The following CFAP299 variants were observed in gnomAD, a reference collection of about 807,000 sequenced individuals.
CFAP299 encodes the protein cilia and flagella associated protein 299.
A neutral mutation model predicts 27.0 loss-of-function variants in CFAP299; 21 were observed. The ratio of observed to expected loss-of-function variants is 0.78; its 90% CI spans 0.55 to 1.12. The LOEUF is 1.12. Ranked by LOEUF, CFAP299 falls within the 50% of genes most tolerant of loss-of-function variation. CFAP299 has a pLI of 0.00. For missense variants in CFAP299, 310 were observed against 276.6 expected, an observed-to-expected ratio of 1.12 and a Z score of -0.86; for synonymous variants, 104 against 98.1, an observed-to-expected ratio of 1.06 and a Z score of -0.36.
At chr4:80,812,776 G>T (rs149921351) in intron 3 of CFAP299, among the ~76,000 whole-genome samples, 1 of 152,174 alleles carries the variant, frequency 6.6e-6, no homozygotes, top group African/African-American at 2.4e-5. Context: ...ATCAATTTAT[G>T]TAAATAGTTT....
chr4:80,617,696 G>T (rs1035823347), intron 3 of CFAP299, among the ~76,000 whole-genome samples: 1 of 152,110 alleles, frequency 6.6e-6, no homozygotes, highest in Non-Finnish European at 1.5e-5. Context: ...CCATCATAAT[G>T]ATAACCAAAA....
At chr4:80,500,617 A>C (rs1285920507) in intron 2 of CFAP299, among the ~76,000 whole-genome samples, 1 of 152,150 alleles carries the variant, frequency 6.6e-6, no homozygotes, top group Non-Finnish European at 1.5e-5. Context: ...AACTTATTCT[A>C]AAATGGTTTA....
chr4:80,733,110 T>C (rs1723635604), intron 3 of CFAP299, among the ~76,000 whole-genome samples: 1 of 152,110 alleles, frequency 6.6e-6, no homozygotes. Flanking sequence ...TCTACATATA[T>C]CTACCAGCTT....
chr4:80,856,926 TC>T (rs1731939169), intron 3 of CFAP299, among the ~76,000 whole-genome samples: 1 of 151,916 alleles, frequency 6.6e-6, no homozygotes, highest in Non-Finnish European at 1.5e-5. Context: ...AGTAGTTTTT[TC>T]CAATTCTGTG....
intron 2 of CFAP299, among the ~76,000 whole-genome samples, chr4:80,376,369 G>A (rs1393632333): frequency 1.3e-5 from 2 of 151,880 alleles, no homozygotes; most frequent in Non-Finnish European, 2.9e-5. Flanking sequence ...TAAACTTCCT[G>A]TAAATATTTT....
At chr4:80,587,585 A>T (rs1721272546) in intron 3 of CFAP299, among the ~76,000 whole-genome samples, 1 of 152,108 alleles carries the variant, frequency 6.6e-6, no homozygotes, top group South Asian at 2.1e-4. Flanking sequence ...AAAACTTGGT[A>T]GGTGGTTTTT....
intron 2 of CFAP299, among the ~76,000 whole-genome samples, chr4:80,451,810 A>G (rs1728917908): frequency 1.3e-5 from 2 of 152,214 alleles, no homozygotes; most frequent in African/African-American, 4.8e-5. Context: ...GCTCAATTTA[A>G]GATTGAACAC....
intron 4 of CFAP299, among the ~76,000 whole-genome samples, chr4:80,888,733 AT>A (rs34277413): frequency 0.084 from 12,699 of 152,066 alleles, 588 homozygotes; most frequent in Middle Eastern, 0.18. Flanking sequence ...CAAAACAAGT[AT>A]TTAAATTTTC....
chr4:80,897,282 A>G (rs1214539151), intron 4 of CFAP299, among the ~76,000 whole-genome samples: 2 of 152,180 alleles, frequency 1.3e-5, no homozygotes, highest in Non-Finnish European at 2.9e-5. Context: ...AAATTCAGTA[A>G]TTATATATTA....
chr4:80,870,767 G>T (rs1011762490), intron 4 of CFAP299: 99 of 985,242 alleles, frequency 1.0e-4, no homozygotes, highest in Admixed American at 1.8e-4. Flanking sequence ...TTAAGTAGCA[G>T]CATTATGCTT....
chr4:80,489,853 A>G (rs566615662), intron 2 of CFAP299, among the ~76,000 whole-genome samples: 1 of 152,298 alleles, frequency 6.6e-6, no homozygotes, highest in Non-Finnish European at 1.5e-5. Context: ...TGTTAGAACC[A>G]TGGCCATTGA....
chr4:80,447,111 TTTTA>T (rs1457828988), intron 2 of CFAP299, among the ~76,000 whole-genome samples: 6 of 147,910 alleles, frequency 4.1e-5, no homozygotes, highest in African/African-American at 1.3e-4. Flanking sequence ...TGTTTTTGCT[TTTTA>T]TTTGTTTTTT....
At chr4:80,333,097 T>C (rs1247094158), upstream of CFAP299, among the ~76,000 whole-genome samples, 1 of 152,138 alleles carries the variant, frequency 6.6e-6, no homozygotes, top group African/African-American at 2.4e-5. Context: ...CTTCTGAAAT[T>C]TTCCTTTCAC....
chr4:80,779,303 C>A (rs1726738158), intron 3 of CFAP299, among the ~76,000 whole-genome samples: 1 of 151,992 alleles, frequency 6.6e-6, no homozygotes, highest in African/African-American at 2.4e-5. Flanking sequence ...TTTTTTGAGT[C>A]AACACCTCTA....
chr4:80,564,815 A>G (rs1180685949), intron 2 of CFAP299, among the ~76,000 whole-genome samples: 2 of 152,078 alleles, frequency 1.3e-5, no homozygotes, highest in African/African-American at 4.8e-5. Context: ...GTGAAGTTGC[A>G]GTAAACAAAA....
intron 2 of CFAP299, among the ~76,000 whole-genome samples, chr4:80,573,331 C>T (rs1374267186): frequency 2.6e-5 from 4 of 152,030 alleles, no homozygotes; most frequent in African/African-American, 9.7e-5. Flanking sequence ...TAGATTTCAG[C>T]CTATACAATT....
At chr4:80,511,834 C>T (rs72874087) in intron 2 of CFAP299, among the ~76,000 whole-genome samples, 14,392 of 152,140 alleles carry the variant, frequency 0.095, 752 homozygotes, top group Non-Finnish European at 0.11. Context: ...AACAGGCCCT[C>T]TTCTCTTTAA....
At chr4:80,821,835 A>G (rs909530488) in intron 3 of CFAP299, among the ~76,000 whole-genome samples, 1 of 152,008 alleles carries the variant, frequency 6.6e-6, no homozygotes, top group Non-Finnish European at 1.5e-5. Context: ...TGTTCATCCA[A>G]GGGGAAACAT....
intron 3 of CFAP299, among the ~76,000 whole-genome samples, chr4:80,860,144 G>A (rs1025804023): frequency 3.0e-4 from 46 of 151,850 alleles, no homozygotes; most frequent in Non-Finnish European, 5.2e-4. Flanking sequence ...TTCCCTTCTC[G>A]CTTCATTTCA....
Sources: gnomAD v4.1 joint callset for allele counts (sites outside exome capture counted in the v4.1 genomes callset) on GRCh38, gnomAD v4.1.1 for gene constraint, MANE v1.5 for transcripts, NCBI Gene and HGNC (gene_info 2026-07-23, HGNC 2026-07-21) for gene names.